AHI1: variants seen among roughly 807,000 people sequenced by gnomAD.
AHI1 encodes Abelson helper integration site 1.
AHI1 carries 123 observed loss-of-function variants against 149.3 expected under a neutral mutation model. The observed-to-expected ratio is 0.82, with a 90% CI of 0.71 to 0.96. The LOEUF is 0.96. AHI1 is among the 40% of genes least tolerant of loss of function. AHI1 has a pLI of 0.00. For synonymous variants in AHI1, 475 were observed against 459.8 expected (o/e 1.03, Z -0.42); for missense variants, 1,439 against 1,422.7 (o/e 1.01, Z -0.18).
At chr6:135,444,829 A>C (rs995336198) in intron 13 of AHI1, among the ~76,000 whole-genome samples, 4 of 152,250 alleles carry the variant, frequency 2.6e-5, no homozygotes, top group African/African-American at 9.6e-5. Flanking sequence ...CTTGTAAGAG[A>C]ATGAATCTGA....
At chr6:135,302,151 C>T (rs767996236) in intron 26 of AHI1, 45 of 985,172 alleles carry the variant, frequency 4.6e-5, no homozygotes, top group Non-Finnish European at 5.1e-5. Flanking sequence ...GCCTCCATGT[C>T]CAGCTATTCT....
intron 21 of AHI1, among the ~76,000 whole-genome samples, 196 bp from the exon 22 acceptor site, chr6:135,405,173 T>C (rs1780581770): frequency 6.6e-6 from 1 of 152,154 alleles, no homozygotes; most frequent in South Asian, 2.1e-4. Flanking sequence ...AAATCTAACT[T>C]GCCCAAACAA....
chr6:135,399,127 T>C (rs1309946446), intron 22 of AHI1, among the ~76,000 whole-genome samples: 1 of 152,182 alleles, frequency 6.6e-6, no homozygotes, highest in Non-Finnish European at 1.5e-5. Context: ...GAGGCTGCAT[T>C]GAGCTGTGAT....
intron 26 of AHI1, among the ~76,000 whole-genome samples, chr6:135,311,880 C>A (rs1225691619): frequency 6.6e-6 from 1 of 152,134 alleles, no homozygotes; most frequent in Non-Finnish European, 1.5e-5. Flanking sequence ...TGATTTGTTT[C>A]GGGATGATTA....
intron 20 of AHI1, among the ~76,000 whole-genome samples, chr6:135,425,207 T>A (rs1385825280): frequency 6.6e-6 from 1 of 151,982 alleles, no homozygotes; most frequent in Non-Finnish European, 1.5e-5. Context: ...CACAAATAAT[T>A]TAAATTTAAT....
At chr6:135,316,263 T>C (rs962991802) in intron 26 of AHI1, among the ~76,000 whole-genome samples, 2 of 152,194 alleles carry the variant, frequency 1.3e-5, no homozygotes, top group African/African-American at 2.4e-5. Context: ...GTCTCCTTAA[T>C]ATATAATTTT....
intron 20 of AHI1, among the ~76,000 whole-genome samples, chr6:135,413,968 G>T (rs569926291): frequency 5.9e-5 from 9 of 152,146 alleles, no homozygotes; most frequent in African/African-American, 2.2e-4. Flanking sequence ...ATTCCAGCAG[G>T]TTATTTTTGG....
Position 135,465,851 on chromosome 6 carries a change from T to C in AHI1, c.712A>G (p.Lys238Glu), listed in dbSNP as rs748182443. 4.0e-5 allele frequency: 60 copies of C among 1,485,858 alleles called. No homozygotes were observed. In the Admixed American group the frequency reaches 1.4e-3, roughly 35 times the overall value. 92.0% of individuals were successfully genotyped at this position (1,485,858 alleles called of 1,614,324 possible). Residue 238 changes from lysine to glutamate, a missense_variant, in exon 7 of 29, where the codon AAA becomes GAA. Lys to Glu is a moderately conservative substitution (Grantham distance 56). Transcript: ENST00000265602. ...TTAGAGAAGACTGGAACTTCCTTTT[T>C]CTTTTTCCTTTTTTCACTGCTTAGT... Reference protein sequence around the residue: ...DKLSSEKRKKKKEVPVFSKAE... With the variant: ...DKLSSEKRKKEKEVPVFSKAE...
chr6:135,375,185 A>C (rs565930963), intron 23 of AHI1, among the ~76,000 whole-genome samples: 1 of 152,304 alleles, frequency 6.6e-6, no homozygotes, highest in African/African-American at 2.4e-5. Context: ...TCTCCCCAAG[A>C]CAATATATAA....
chr6:135,483,547 C>G (rs1008217435), intron 5 of AHI1, among the ~76,000 whole-genome samples: 1 of 152,110 alleles, frequency 6.6e-6, no homozygotes, highest in Non-Finnish European at 1.5e-5. Flanking sequence ...CAACTATCCC[C>G]TTTTAAAAGA....
intron 24 of AHI1, among the ~76,000 whole-genome samples, chr6:135,328,921 T>C (rs112303331): frequency 0.013 from 2,009 of 152,256 alleles, 45 homozygotes; most frequent in African/African-American, 0.046. Flanking sequence ...TTTAGTGGTC[T>C]GGATAGAAGA....
At position 135,428,697 on chromosome 6, in the gene AHI1, G is replaced by C; in HGVS notation, c.2555C>G (p.Thr852Ser). The change falls in exon 19 of 29, where the codon ACT becomes AGT. Residue 852 changes from threonine (T) to serine (S), a missense_variant. By Grantham distance (58) the Thr-to-Ser change is moderately conservative. Coordinates refer to ENST00000265602, the MANE Select transcript of AHI1 (RefSeq NM_001134831.2). ...AGCAAACAGAAAAGTCCCACATGGA[G>C]TCAAAGTACTATGAATCTTCTCCCG... ...NYREKIHSTL[T>S]PCGTFLFAGS... 6.2e-7 allele frequency: 1 copy of C among 1,608,788 alleles called. No individual in the cohort carries two copies. Among genetic ancestry groups the C allele is most frequent in the Non-Finnish European group, 8.5e-7 (1 of 1,176,924 alleles).
At chr6:135,287,026 CA>C (rs1406967819) in intron 28 of AHI1, among the ~76,000 whole-genome samples, 1 of 151,902 alleles carries the variant, frequency 6.6e-6, no homozygotes. Flanking sequence ...CTGCAAAAGG[CA>C]GTGAGGAGGG....
chr6:135,380,987 GCTT>G (rs1776684301), intron 23 of AHI1, among the ~76,000 whole-genome samples: 1 of 151,952 alleles, frequency 6.6e-6, no homozygotes, highest in African/African-American at 2.4e-5. Flanking sequence ...TTAAAAATAT[GCTT>G]ATTATGTTAT....
chr6:135,411,287 AT>A (rs1781548954), intron 21 of AHI1, 60 bp downstream of exon 21: 11 of 1,432,974 alleles, frequency 7.7e-6, no homozygotes, highest in Non-Finnish European at 1.1e-5. Context: ...ATTTATTGGC[AT>A]GGCAATGTAA....
intron 5 of AHI1, among the ~76,000 whole-genome samples, chr6:135,476,529 A>T (rs1381944542): frequency 1.3e-5 from 2 of 152,004 alleles, no homozygotes; most frequent in Non-Finnish European, 2.9e-5. Flanking sequence ...CTACATTCTT[A>T]TTGATTTTTT....
intron 27 of AHI1, among the ~76,000 whole-genome samples, chr6:135,292,560 GTCCCCCTCAAGTA>G (rs1208535413): frequency 6.6e-6 from 1 of 152,072 alleles, no homozygotes; most frequent in Non-Finnish European, 1.5e-5. Flanking sequence ...TCTGCAAAAG[GTCCCCCTCAAGTA>G]TCCAGCAGTG....
chr6:135,416,378 T>G (rs1175224580), intron 20 of AHI1, among the ~76,000 whole-genome samples: 2 of 151,918 alleles, frequency 1.3e-5, no homozygotes, highest in African/African-American at 2.4e-5. Context: ...CTTTTTTTTT[T>G]GCCTGTTTAA....
rs1469698310 is a variant in AHI1 at position 135,413,340 on chromosome 6, A to T, written c.2765-1796T>A. 3.9e-5 allele frequency among the ~76,000 whole-genome samples: 6 copies of T among 152,156 alleles called. No homozygotes were observed. In the South Asian group the frequency reaches 1.2e-3, roughly 32 times the overall value. ...TTTTTAAATCATATTTAAGACTTAA[A>T]TATATAAATAAACTACCACAACAAA... is the stretch of plus-strand genomic sequence containing the variant. On this transcript the variant is annotated intron_variant, in intron 20 of 28. Transcript: ENST00000265602.
Sources: allele counts gnomAD v4.1 joint callset (sites outside exome capture counted in the v4.1 genomes callset), GRCh38; gene constraint gnomAD v4.1.1; transcripts MANE v1.5; gene names NCBI Gene and HGNC (gene_info 2026-07-23, HGNC 2026-07-21).